DARS2: variants seen among roughly 807,000 people sequenced by gnomAD.
The protein encoded by DARS2 is aspartyl-tRNA synthetase 2, mitochondrial.
DARS2 carries 63 observed loss-of-function variants against 83.0 expected under a neutral mutation model. That is an observed-to-expected ratio of 0.76 (90% CI 0.62 to 0.94). DARS2 has a LOEUF of 0.94. Ranked by LOEUF, DARS2 falls within the 40% of genes least tolerant of loss-of-function variation. The pLI is 0.00. For missense variants in DARS2, 675 were observed against 774.4 expected (o/e 0.87, Z 1.52); for synonymous variants, 250 against 269.3 (o/e 0.93, Z 0.70).
chr1:173,854,382 A>G (rs913402973), intron 15 of DARS2, among the ~76,000 whole-genome samples: 5 of 152,224 alleles, frequency 3.3e-5, no homozygotes, highest in Admixed American at 2.0e-4. Context: ...GGAAAAGTAA[A>G]TAATAATATT....
chr1:173,852,363 T>A, intron 13 of DARS2: 1 of 567,652 alleles, frequency 1.8e-6, no homozygotes, highest in Non-Finnish European at 2.2e-6. Flanking sequence ...AAAGAAGTTC[T>A]GATACTGTTG....
rs752939612 is a variant in DARS2, at chr1:173,850,345, C to G, written c.1210C>G (p.Leu404Val). Residue 404 changes from leucine (L) to valine (V), a missense_variant, in exon 13 of 17, where the codon CTT becomes GTT. Physicochemically the swap from Leu to Val is conservative, Grantham distance 32 (BLOSUM62 1). Transcript: ENST00000649689. ...TACACAGGAAATCTTACCTGTATTC[C>G]TTAACGCCAATAGAAACTGGAATTC... ...HFNQEILPVF[L>V]NANRNWNSPV... The G allele has an allele frequency of 6.2e-7, 1 of 1,611,300 alleles. No individual in the cohort carries two copies.
At position 173,855,426 on chromosome 1, in the gene DARS2, C is replaced by T. The variant is rs1653823807; in HGVS notation, c.1675-1240C>T. On this transcript the variant is annotated intron_variant, in intron 15 of 16. Coordinates refer to ENST00000649689, the MANE Select transcript of DARS2 (RefSeq NM_018122.5). ...CGAAATCTGTTAACTTTTCTCCTGC[C>T]AATTCAAAGCCTCCAATCACCCATT... Among the ~76,000 whole-genome samples, 3 of 151,972 alleles carry T rather than the reference C, an allele frequency of 2.0e-5. No homozygotes were observed. The South Asian group carries it at 6.2e-4, about 32-fold the overall frequency.
At position 173,837,109 on chromosome 1, in the gene DARS2, G is replaced by A; in HGVS notation, c.770+63G>A. 6 of 1,429,724 alleles carry A rather than the reference G, an allele frequency of 4.2e-6. No individual in the cohort carries two copies. The South Asian group carries it at 6.9e-5, about 16-fold the overall frequency. 88.6% of individuals were successfully genotyped at this position (1,429,724 alleles called of 1,614,324 possible). On this transcript the variant is annotated intron_variant, in intron 8 of 16. Coordinates refer to ENST00000649689, the MANE Select transcript of DARS2 (RefSeq NM_018122.5). Reference sequence around the variant, plus strand: ...AAAGAGAAAAACAAAGGGAAAAAAGGAAACACAAAATCCTCTCTGTTCTCA... The same window carrying A: ...AAAGAGAAAAACAAAGGGAAAAAAGAAAACACAAAATCCTCTCTGTTCTCA...
intron 2 of DARS2, 73 bp downstream of exon 2, chr1:173,826,859 T>C: frequency 9.2e-7 from 1 of 1,084,454 alleles, no homozygotes; most frequent in East Asian, 2.4e-5. Context: ...TTTACTAATT[T>C]ACAACCAGTC....
Position 173,850,347 on chromosome 1 carries a change from T to TA in DARS2, c.1214dup (p.Asn405LysfsTer4). ...CACAGGAAATCTTACCTGTATTCCT[T>TA]AACGCCAATAGAAACTGGAATTCTC... On this transcript the variant is annotated frameshift_variant, in exon 13 of 17. Transcript: ENST00000649689. LOFTEE classifies it high-confidence loss of function. 3.7e-6 allele frequency: 6 copies of TA among 1,613,036 alleles called. No individual in the cohort carries two copies. The highest frequency in any genetic ancestry group is 4.2e-6 in the Non-Finnish European group (5 of 1,179,602).
intron 7 of DARS2, among the ~76,000 whole-genome samples, chr1:173,836,076 C>G (rs905784970): frequency 6.6e-6 from 1 of 151,406 alleles, no homozygotes; most frequent in Non-Finnish European, 1.5e-5. Flanking sequence ...AAATATTAGC[C>G]AGGTGCAGTG....
At chr1:173,836,001 GAGC>G (rs1652990032) in intron 7 of DARS2, among the ~76,000 whole-genome samples, 1 of 152,020 alleles carries the variant, frequency 6.6e-6, no homozygotes, top group East Asian at 2.0e-4. Flanking sequence ...AGGTTGTAAT[GAGC>G]CAAGATCACG....
At chr1:173,834,245 GAATT>G (rs1415006025) in intron 6 of DARS2, among the ~76,000 whole-genome samples, 1 of 152,086 alleles carries the variant, frequency 6.6e-6, no homozygotes, top group Non-Finnish European at 1.5e-5. Flanking sequence ...TAAATATTTA[GAATT>G]ATTTTATGTG....
At chr1:173,849,316 T>C (rs1226753078) in intron 12 of DARS2, among the ~76,000 whole-genome samples, 1 of 151,896 alleles carries the variant, frequency 6.6e-6, no homozygotes, top group Non-Finnish European at 1.5e-5. Flanking sequence ...GGCAGATCGC[T>C]TGAAGTCAGG....
chr1:173,851,810 TTCATTTG>T, intron 13 of DARS2: 1 of 984,796 alleles, frequency 1.0e-6, no homozygotes. Context: ...AATCTATATT[TTCATTTG>T]TCATTGTTTC....
intron 12 of DARS2, among the ~76,000 whole-genome samples, chr1:173,845,908 A>G (rs1325789104): frequency 6.6e-6 from 1 of 152,194 alleles, no homozygotes; most frequent in African/African-American, 2.4e-5. Context: ...CTGTAATCCC[A>G]GCACTTTGGG....
chr1:173,848,859 C>A (rs1653540746), intron 12 of DARS2, among the ~76,000 whole-genome samples: 1 of 151,964 alleles, frequency 6.6e-6, no homozygotes, highest in African/African-American at 2.4e-5. Context: ...TGATTTTGAC[C>A]TCATCATTTT....
chr1:173,828,286 A>G, intron 2 of DARS2, 47 bp from the exon 3 acceptor site: 1 of 1,589,444 alleles, frequency 6.3e-7, no homozygotes. Flanking sequence ...CTTTGGACTT[A>G]GAGATTTTAT....
At chr1:173,850,538 CTATGTA>C in intron 13 of DARS2, 59 bp downstream of exon 13, 1 of 1,548,294 alleles carries the variant, frequency 6.5e-7, no homozygotes, top group Non-Finnish European at 8.9e-7. Context: ...CCTTACTCTC[CTATGTA>C]TATAGTATAC....
rs766857338 is a variant in DARS2, at chr1:173,826,735, C to T, written c.176C>T (p.Ser59Leu). The part of the protein sequence containing the change: ...VRTNTCGELR[S>L]SHLGQEVTLC... ...ACCAACACATGTGGAGAGTTGCGTT[C>T]GTCTCACTTAGGCCAAGAAGTCACC... Residue 59 changes from serine (S) to leucine (L), a missense_variant, in exon 2 of 17, where the codon TCG becomes TTG. Ser to Leu is a moderately radical substitution (Grantham distance 145). Transcript: ENST00000649689. The T allele has an allele frequency of 1.1e-5, 18 of 1,609,628 alleles. No individual in the cohort carries two copies. Among genetic ancestry groups the T allele is most frequent in the South Asian group, 3.3e-5 (3 of 90,992 alleles).
chr1:173,845,496 A>G (rs1200625586), intron 12 of DARS2, among the ~76,000 whole-genome samples: 2 of 152,176 alleles, frequency 1.3e-5, no homozygotes, highest in East Asian at 1.9e-4. Flanking sequence ...CAGTGTTGCC[A>G]TAACAGCTCA....
In DARS2 at chr1:173,828,322, C is replaced by A. The variant is rs368644758; in HGVS notation, c.228-11C>A. 3.4e-5 allele frequency: 47 copies of A among 1,379,638 alleles called. No homozygotes were observed. The highest frequency in any genetic ancestry group is 2.8e-4 in the Admixed American group (16 of 56,698). 85.5% of individuals were successfully genotyped at this position (1,379,638 alleles called of 1,614,324 possible). A position where few individuals can be genotyped will look rare whatever the true frequency, so the allele number is the denominator to read the frequency against. On this transcript the variant is annotated splice_polypyrimidine_tract_variant and intron_variant, in intron 2 of 16. Coordinates refer to ENST00000649689, the MANE Select transcript of DARS2 (RefSeq NM_018122.5). ...CTTAAAATGTTTCTTTTCCCCCCCC[C>A]CATTAATCAGGCAAAACACATTCTT...
At position 173,827,504 on chromosome 1, in the gene DARS2, G is replaced by A. The variant is rs547365348; in HGVS notation, c.227+718G>A. 9.2e-5 allele frequency among the ~76,000 whole-genome samples: 14 copies of A among 152,176 alleles called. No individual in the cohort carries two copies. In the South Asian group the frequency reaches 2.7e-3, roughly 29 times the overall value. On this transcript the variant is annotated intron_variant, in intron 2 of 16. Transcript: ENST00000649689. The stretch of plus-strand genomic sequence containing the variant: ...AAGTTCGCCAGGCGGGGTGATGCTC[G>A]TCTGTAATTCTAGCTACTCAGGAGG...
Sources: allele counts gnomAD v4.1 joint callset (sites outside exome capture counted in the v4.1 genomes callset), GRCh38; gene constraint gnomAD v4.1.1; transcripts MANE v1.5; gene names NCBI Gene and HGNC (gene_info 2026-07-23, HGNC 2026-07-21).